Variants in MALRD1 observed in about 807,000 individuals in gnomAD.
MALRD1 encodes MAM and LDL-receptor class A domain-containing protein 1.
Under a neutral mutation model 242.1 loss-of-function variants are expected in MALRD1, and 247 were observed. That is an observed-to-expected ratio of 1.02 (90% confidence interval 0.92 to 1.13). MALRD1 has a LOEUF of 1.13. Ranked by LOEUF, MALRD1 falls within the 50% of genes most tolerant of loss-of-function variation. MALRD1 has a pLI of 0.00. For synonymous variants in MALRD1, 995 were observed against 866.6 expected (o/e 1.15, Z -2.60); for missense variants, 2,989 against 2,533.1 (o/e 1.18, Z -3.86).
chr10:19,587,910 T>TG (rs1837522714), intron 33 of MALRD1, among the ~76,000 whole-genome samples: 1 of 64,818 alleles, frequency 1.5e-5, no homozygotes, highest in Non-Finnish European at 4.8e-5. Flanking sequence ...TTATCCTAGG[T>TG]GTTTTTTTTT....
intron 21 of MALRD1, among the ~76,000 whole-genome samples, chr10:19,303,347 C>A (rs911889153): frequency 1.3e-5 from 2 of 151,336 alleles, no homozygotes; most frequent in African/African-American, 4.8e-5. Context: ...ACGATAGTAC[C>A]AAGTTTGGGT....
intron 21 of MALRD1, among the ~76,000 whole-genome samples, chr10:19,284,565 T>C (rs2131894778): frequency 1.3e-5 from 2 of 151,542 alleles, no homozygotes; most frequent in East Asian, 3.9e-4. Context: ...TCCATGTCCC[T>C]ACAAAGGACA....
chr10:19,094,751 C>A (rs1367189356), intron 4 of MALRD1, among the ~76,000 whole-genome samples: 1 of 152,174 alleles, frequency 6.6e-6, no homozygotes, highest in Non-Finnish European at 1.5e-5. Context: ...GAATAATTGT[C>A]ATATTCATTT....
Position 19,595,454 on chromosome 10 carries a change from T to G in MALRD1, c.5941T>G (p.Cys1981Gly), listed in dbSNP as rs1024631987. The change falls in exon 34 of 40, where the codon TGC becomes GGC. Residue 1981 changes from cysteine to glycine, a missense_variant. Coordinates refer to ENST00000454679, the MANE Select transcript of MALRD1 (RefSeq NM_001142308.3). ...DCHFNEDELI[C>G]SNKSCSNGAL... is the part of the protein sequence containing the mutation. ...CCACTTTAATGAAGATGAGCTCATC[T>G]GCTGTGAGTTATTTTCACTAACTCA... The G allele has an allele frequency of 1.3e-6, 2 of 1,547,566 alleles. No homozygotes were observed. The highest frequency in any genetic ancestry group is 2.7e-5 in the African/African-American group (2 of 72,980).
chr10:19,300,214 C>CA (rs1271935626), intron 21 of MALRD1, among the ~76,000 whole-genome samples: 2 of 151,786 alleles, frequency 1.3e-5, no homozygotes, highest in African/African-American at 4.8e-5. Flanking sequence ...TGAAATAAAA[C>CA]AGAGATGACA....
intron 12 of MALRD1, among the ~76,000 whole-genome samples, chr10:19,163,335 G>A (rs537018589): frequency 5.9e-5 from 9 of 151,988 alleles, no homozygotes; most frequent in African/African-American, 2.2e-4. Context: ...AAAAGAACAA[G>A]ATCATGTCTT....
chr10:19,220,978 C>G (rs1017695583), intron 18 of MALRD1, among the ~76,000 whole-genome samples: 1 of 152,110 alleles, frequency 6.6e-6, no homozygotes, highest in Admixed American at 6.6e-5. Flanking sequence ...AAAATATTCT[C>G]CAGTAGATCT....
intron 18 of MALRD1, among the ~76,000 whole-genome samples, chr10:19,238,800 A>G (rs976430162): frequency 2.0e-5 from 3 of 150,518 alleles, no homozygotes; most frequent in African/African-American, 7.3e-5. Flanking sequence ...GAACTTCCAT[A>G]AAGTTTTGCT....
At chr10:19,270,593 A>G (rs1359879632) in intron 19 of MALRD1, among the ~76,000 whole-genome samples, 2 of 152,080 alleles carry the variant, frequency 1.3e-5, no homozygotes, top group African/African-American at 4.8e-5. Context: ...GTAAGAGCAT[A>G]TGGGATGGAC....
chr10:19,393,279 A>G (rs886785439), intron 28 of MALRD1, among the ~76,000 whole-genome samples: 10 of 152,096 alleles, frequency 6.6e-5, no homozygotes, highest in African/African-American at 2.4e-4. Flanking sequence ...TTCTCATTAA[A>G]TTTAAATGCA....
intron 10 of MALRD1, among the ~76,000 whole-genome samples, chr10:19,139,117 G>T (rs999778350): frequency 6.6e-6 from 1 of 152,076 alleles, no homozygotes; most frequent in Non-Finnish European, 1.5e-5. Flanking sequence ...CATGTATTTT[G>T]ATACCAAAAT....
At chr10:19,667,925 C>G (rs1406360120) in intron 36 of MALRD1, among the ~76,000 whole-genome samples, 2 of 152,082 alleles carry the variant, frequency 1.3e-5, no homozygotes, top group Non-Finnish European at 2.9e-5. Flanking sequence ...CTGGCAGATT[C>G]AGTGTCTGTT....
At chr10:19,078,846 A>G (rs1282879641) in intron 2 of MALRD1, among the ~76,000 whole-genome samples, 1 of 151,678 alleles carries the variant, frequency 6.6e-6, no homozygotes, top group African/African-American at 2.4e-5. Context: ...TATTTATGTA[A>G]GGTTAGAAGT....
At chr10:19,139,611 G>A (rs1833471486) in intron 10 of MALRD1, among the ~76,000 whole-genome samples, 1 of 152,180 alleles carries the variant, frequency 6.6e-6, no homozygotes, top group East Asian at 1.9e-4. Context: ...ACTCACTCAG[G>A]TCTTCTGTCA....
intron 19 of MALRD1, among the ~76,000 whole-genome samples, chr10:19,270,758 CA>C (rs1840189963): frequency 6.7e-6 from 1 of 148,270 alleles, no homozygotes; most frequent in Non-Finnish European, 1.5e-5. Flanking sequence ...TAGCCTAAAG[CA>C]AAGCAAAACT....
chr10:19,395,122 T>C (rs1846521162), intron 28 of MALRD1, among the ~76,000 whole-genome samples: 1 of 152,196 alleles, frequency 6.6e-6, no homozygotes, highest in South Asian at 2.1e-4. Flanking sequence ...TGTTATATTG[T>C]ACTAGTGTAC....
At chr10:19,329,558 T>G (rs1588919384) in intron 23 of MALRD1, among the ~76,000 whole-genome samples, 1 of 152,168 alleles carries the variant, frequency 6.6e-6, no homozygotes, top group Admixed American at 6.6e-5. Flanking sequence ...CCTTATGAAT[T>G]ACATAGTATT....
intron 15 of MALRD1, 75 bp from the exon 16 acceptor site, chr10:19,204,233 G>C: frequency 1.1e-6 from 1 of 927,330 alleles, no homozygotes; most frequent in Admixed American, 2.7e-5. Context: ...CTCAGTGTAG[G>C]GTTAAGAGAC....
chr10:19,251,329 T>G (rs902225023), intron 18 of MALRD1, among the ~76,000 whole-genome samples: 4 of 152,128 alleles, frequency 2.6e-5, no homozygotes, highest in Admixed American at 2.6e-4. Flanking sequence ...GACATTTGCT[T>G]ACATTCCAGA....
Sources: allele counts gnomAD v4.1 joint callset (sites outside exome capture counted in the v4.1 genomes callset), GRCh38; gene constraint gnomAD v4.1.1; transcripts MANE v1.5; gene names NCBI Gene and HGNC (gene_info 2026-07-23, HGNC 2026-07-21).